The following PCSK5 variants were observed in gnomAD, a reference collection of about 807,000 sequenced individuals.
The protein encoded by PCSK5 is prohormone convertase 5.
A neutral mutation model predicts 233.2 loss-of-function variants in PCSK5; 129 were observed. The ratio of observed to expected loss-of-function variants is 0.55; its 90% CI spans 0.48 to 0.64. The LOEUF (loss-of-function observed/expected upper bound fraction) is 0.64, where lower values mean the gene tolerates loss of function less well. Among genes scored for constraint, PCSK5 ranks in the 30% least tolerant of loss-of-function variants. The pLI, the probability that PCSK5 is intolerant of heterozygous loss-of-function variation, is 0.00. For synonymous variants in PCSK5, 825 were observed against 879.2 expected (o/e 0.94, Z 1.09); for missense variants, 2,076 against 2,430.1 (o/e 0.85, Z 3.06).
intron 8 of PCSK5, among the ~76,000 whole-genome samples, chr9:76,099,818 C>T (rs1298214951): frequency 6.6e-6 from 1 of 152,136 alleles, no homozygotes; most frequent in African/African-American, 2.4e-5. Flanking sequence ...TTGTACTAAG[C>T]CCCCTTCCCT....
intron 2 of PCSK5, among the ~76,000 whole-genome samples, chr9:75,980,901 T>C (rs1826248464): frequency 1.1e-5 from 1 of 91,992 alleles, no homozygotes; most frequent in Admixed American, 1.2e-4. Context: ...AGCAAAAACA[T>C]GTTATGTCCA....
At chr9:76,145,356 G>T (rs1487645558) in intron 10 of PCSK5, among the ~76,000 whole-genome samples, 1 of 152,022 alleles carries the variant, frequency 6.6e-6, no homozygotes, top group Non-Finnish European at 1.5e-5. Context: ...TCATATTTGG[G>T]GTGGAGTGCT....
intron 2 of PCSK5, among the ~76,000 whole-genome samples, chr9:75,974,318 T>C (rs922221403): frequency 3.3e-5 from 5 of 152,188 alleles, no homozygotes; most frequent in African/African-American, 1.2e-4. Context: ...TTTTATGTGC[T>C]ATGACCCGCA....
chr9:75,959,836 A>G (rs1031051674), intron 2 of PCSK5, among the ~76,000 whole-genome samples: 2 of 152,236 alleles, frequency 1.3e-5, no homozygotes, highest in Non-Finnish European at 2.9e-5. Context: ...CAGGGGAGAA[A>G]TAGGAATGAG....
At chr9:76,329,927 T>C in intron 33 of PCSK5, among the ~76,000 whole-genome samples, 1 of 152,164 alleles carries the variant, frequency 6.6e-6, no homozygotes, top group East Asian at 1.9e-4. Context: ...TGTGCATGCT[T>C]GGCCAGCATA....
intron 5 of PCSK5, among the ~76,000 whole-genome samples, chr9:76,035,065 G>A (rs1226273578): frequency 6.6e-6 from 1 of 152,152 alleles, no homozygotes; most frequent in Non-Finnish European, 1.5e-5. Context: ...TTGGGTTTGG[G>A]AAGTCAGTTG....
At position 75,912,428 on chromosome 9, in the gene PCSK5, T is replaced by C. The variant is rs182502992; in HGVS notation, c.193-19951T>C. ...GGAGAGATGGGTTAAATCTTGAAGGTTGGTGCTTTTCACACTTTCATGTGC... is the reference window on the plus strand; with the variant it reads ...GGAGAGATGGGTTAAATCTTGAAGGCTGGTGCTTTTCACACTTTCATGTGC... On this transcript the variant is annotated intron_variant, in intron 1 of 37. Transcript: ENST00000674117. 4.6e-5 allele frequency among the ~76,000 whole-genome samples: 7 copies of C among 152,242 alleles called. No homozygotes were observed. In the East Asian group the frequency reaches 1.4e-3, roughly 29 times the overall value.
intron 21 of PCSK5, among the ~76,000 whole-genome samples, chr9:76,231,257 T>C (rs754915415): frequency 6.6e-6 from 1 of 152,078 alleles, no homozygotes; most frequent in Non-Finnish European, 1.5e-5. Flanking sequence ...TTGTGAGAAC[T>C]CACTCACTAT....
At chr9:76,013,746 C>T (rs1175872939) in intron 3 of PCSK5, among the ~76,000 whole-genome samples, 6 of 151,938 alleles carry the variant, frequency 3.9e-5, no homozygotes, top group African/African-American at 9.7e-5. Flanking sequence ...AACTGAAAAA[C>T]GGATTGGTTT....
chr9:76,050,941 A>G (rs1266515845), intron 5 of PCSK5, among the ~76,000 whole-genome samples: 6 of 152,184 alleles, frequency 3.9e-5, no homozygotes, highest in African/African-American at 1.4e-4. Context: ...AGAATGAGCC[A>G]TATGGTGGAG....
At chr9:76,053,543 G>A (rs975849658) in intron 5 of PCSK5, among the ~76,000 whole-genome samples, 15 of 152,196 alleles carry the variant, frequency 9.9e-5, no homozygotes, top group South Asian at 2.1e-4. Flanking sequence ...GCCAGATACC[G>A]TAAATCATCT....
At chr9:76,315,942 T>G (rs1041628433) in intron 30 of PCSK5, among the ~76,000 whole-genome samples, 1 of 151,122 alleles carries the variant, frequency 6.6e-6, no homozygotes, top group African/African-American at 2.4e-5. Context: ...TTTTTTTTTT[T>G]TTTTTTTTTG....
At chr9:76,310,130 C>T (rs1424213056) in intron 29 of PCSK5, among the ~76,000 whole-genome samples, 1 of 151,980 alleles carries the variant, frequency 6.6e-6, no homozygotes, top group Admixed American at 6.6e-5. Context: ...CGCCTGTAGT[C>T]CCAGCTGCTC....
intron 24 of PCSK5, among the ~76,000 whole-genome samples, chr9:76,250,426 G>A (rs576496270): frequency 1.3e-5 from 2 of 152,258 alleles, no homozygotes; most frequent in South Asian, 2.1e-4. Flanking sequence ...CAAACACTAC[G>A]TCATACATGT....
chr9:75,891,541 A>G (rs1397113272), intron 1 of PCSK5, among the ~76,000 whole-genome samples, 168 bp downstream of exon 1: 1 of 150,842 alleles, frequency 6.6e-6, no homozygotes, highest in Non-Finnish European at 1.5e-5. Flanking sequence ...GCACACACAC[A>G]CACACACACA....
intron 20 of PCSK5, among the ~76,000 whole-genome samples, chr9:76,207,354 G>A (rs1335307978): frequency 2.6e-5 from 4 of 152,194 alleles, no homozygotes; most frequent in African/African-American, 4.8e-5. Context: ...CTTCAGTGAA[G>A]TGGAAATAAT....
chr9:76,197,207 T>C (rs1369607314), intron 20 of PCSK5, among the ~76,000 whole-genome samples: 1 of 152,180 alleles, frequency 6.6e-6, no homozygotes, highest in Admixed American at 6.5e-5. Flanking sequence ...AATTTGGTGG[T>C]TTAGTCCAGA....
At chr9:76,062,908 A>G (rs1235388626) in intron 5 of PCSK5, among the ~76,000 whole-genome samples, 1 of 152,026 alleles carries the variant, frequency 6.6e-6, no homozygotes, top group East Asian at 1.9e-4. Context: ...CTAATATCTG[A>G]CTGTATTTTT....
intron 20 of PCSK5, among the ~76,000 whole-genome samples, chr9:76,204,709 A>C (rs1825046141): frequency 6.6e-6 from 1 of 152,156 alleles, no homozygotes; most frequent in Non-Finnish European, 1.5e-5. Context: ...TGCATACCCC[A>C]TAATTAGCAC....
Sources: gnomAD v4.1 joint callset for allele counts (sites outside exome capture counted in the v4.1 genomes callset) on GRCh38, gnomAD v4.1.1 for gene constraint, MANE v1.5 for transcripts, NCBI Gene and HGNC (gene_info 2026-07-23, HGNC 2026-07-21) for gene names.